UBLCP1: variants seen among roughly 807,000 people sequenced by gnomAD.
UBLCP1 encodes the protein ubiquitin like domain containing CTD phosphatase 1.
UBLCP1 carries 28 observed loss-of-function variants against 42.4 expected under a neutral mutation model. The observed-to-expected ratio is 0.66, with a 90% CI of 0.49 to 0.90. UBLCP1 has a LOEUF of 0.90. Ranked by LOEUF, UBLCP1 falls within the 40% of genes least tolerant of loss-of-function variation. UBLCP1 has a pLI of 0.00. For synonymous variants in UBLCP1, 122 were observed against 120.8 expected, an observed-to-expected ratio of 1.01 and a Z score of -0.07; for missense variants, 279 against 374.5, an observed-to-expected ratio of 0.75 and a Z score of 2.10.
rs949038531 is a variant in UBLCP1, at chr5:159,274,411, C to T, written c.548-174C>T. The T allele has an allele frequency of 9.6e-6, 5 of 520,110 alleles. No homozygotes were observed. In the East Asian group the frequency reaches 1.3e-4, roughly 13 times the overall value. 32.2% of individuals were successfully genotyped at this position (520,110 alleles called of 1,614,324 possible). ...TTTATTCTGTCTTGAAGACACACTG[C>T]AGTAAGTTTACTTTTATCAATATTT... On this transcript the variant is annotated intron_variant, in intron 6 of 10. Coordinates refer to ENST00000296786, the MANE Select transcript of UBLCP1 (RefSeq NM_145049.5).
chr5:159,265,722 A>T (rs1753381907), intron 1 of UBLCP1, among the ~76,000 whole-genome samples: 1 of 152,086 alleles, frequency 6.6e-6, no homozygotes, highest in Non-Finnish European at 1.5e-5. Flanking sequence ...TGTCTTCCTC[A>T]TTCTCTCTTG....
chr5:159,274,752 A>T, intron 7 of UBLCP1, 130 bp downstream of exon 7: 1 of 748,080 alleles, frequency 1.3e-6, no homozygotes. Flanking sequence ...CATTATTGGG[A>T]GTAGAGGTGT....
chr5:159,279,926 A>T (rs1467160696), intron 9 of UBLCP1, among the ~76,000 whole-genome samples: 1 of 150,858 alleles, frequency 6.6e-6, no homozygotes, highest in African/African-American at 2.4e-5. Flanking sequence ...AAAAAAAAAA[A>T]TACAATCATT....
intron 1 of UBLCP1, among the ~76,000 whole-genome samples, chr5:159,265,100 G>A (rs1316572042): frequency 6.6e-6 from 1 of 152,128 alleles, no homozygotes; most frequent in South Asian, 2.1e-4. Flanking sequence ...TACATTTTCA[G>A]TAGAACACAT....
At position 159,285,024 on chromosome 5, in the gene UBLCP1, A is replaced by T; in HGVS notation, c.*93A>T. ...ATCATTATGATAGTGCTGGACACTGAAGCAAATACCATACTGCTTATACTT... is the reference window on the plus strand; with the variant it reads ...ATCATTATGATAGTGCTGGACACTGTAGCAAATACCATACTGCTTATACTT... On this transcript the variant is annotated 3_prime_UTR_variant, in exon 11 of 11. Transcript: ENST00000296786. The T allele has an allele frequency of 8.4e-7, 1 of 1,195,900 alleles. No homozygotes were observed. The allele number at this position is 1,195,900 out of a possible 1,614,324, so 74.1% of individuals were successfully genotyped here.
rs766395095 is a variant in UBLCP1 at position 159,270,592 on chromosome 5, C to G, written c.397C>G (p.Pro133Ala). The G allele has an allele frequency of 1.2e-6, 2 of 1,610,546 alleles. No individual in the cohort carries two copies. The highest frequency in any genetic ancestry group is 1.7e-6 in the Non-Finnish European group (2 of 1,178,996). The change falls in exon 5 of 11, where the codon CCC (proline) becomes GCC (alanine). Residue 133 changes from proline to alanine, a missense_variant. Coordinates refer to ENST00000296786, the MANE Select transcript of UBLCP1 (RefSeq NM_145049.5). ...GTACAAAGTGGAAATTTTGAATCCT[C>G]CCAGGGAAGGGAAAAAGCTTTTGGT... ...KEYKVEILNPPREGKKLLVLD... is the reference protein window; with the variant it reads ...KEYKVEILNPAREGKKLLVLD...
At chr5:159,278,723 C>A (rs983397455) in intron 9 of UBLCP1, among the ~76,000 whole-genome samples, 12 of 152,094 alleles carry the variant, frequency 7.9e-5, no homozygotes, top group African/African-American at 2.4e-4. Flanking sequence ...CAGGCACGCA[C>A]CACCACACCC....
chr5:159,271,009 G>A (rs1337747651), intron 5 of UBLCP1, among the ~76,000 whole-genome samples: 2 of 150,170 alleles, frequency 1.3e-5, no homozygotes, highest in Non-Finnish European at 3.0e-5. Flanking sequence ...TATTTTTTTG[G>A]CCAGAAAGTA....
At chr5:159,284,036 A>C (rs1001142223) in intron 10 of UBLCP1, among the ~76,000 whole-genome samples, 3 of 152,182 alleles carry the variant, frequency 2.0e-5, no homozygotes, top group African/African-American at 7.2e-5. Flanking sequence ...ATACAGCACC[A>C]AAAGAAACTA....
chr5:159,281,851 A>G lies in UBLCP1; in HGVS notation c.802-1361A>G, dbSNP rs1358657248. 2.4e-5 allele frequency among the ~76,000 whole-genome samples: 3 copies of G among 126,478 alleles called. No homozygotes were observed. In the East Asian group the frequency reaches 8.0e-4, roughly 34 times the overall value. The allele number at this position is 126,478 out of a possible 152,430, so 83.0% of individuals were successfully genotyped here. On this transcript the variant is annotated intron_variant, in intron 9 of 10. Transcript: ENST00000296786. ...TCAGTGTTAACTGTGTAAAATTAATAACTAATGACCAAAAAAAAAAAAAAC... is the reference window on the plus strand; with the variant it reads ...TCAGTGTTAACTGTGTAAAATTAATGACTAATGACCAAAAAAAAAAAAAAC...
rs185953085 is a variant in UBLCP1, at chr5:159,276,735, G to A, written c.684+1489G>A. On this transcript the variant is annotated intron_variant, in intron 8 of 10. Transcript: ENST00000296786. ...ATTTTAGAGAACACTGTTGTAAGCC[G>A]TTAGAAAATAGTTCTTAACCTTTGT... Among the ~76,000 whole-genome samples the A allele has an allele frequency of 7.2e-5, 11 of 152,264 alleles. No individual in the cohort carries two copies. In the East Asian group the frequency reaches 1.3e-3, roughly 19 times the overall value.
At chr5:159,277,754 A>C (rs1753555944) in intron 8 of UBLCP1, among the ~76,000 whole-genome samples, 1 of 152,218 alleles carries the variant, frequency 6.6e-6, no homozygotes, top group African/African-American at 2.4e-5. Context: ...ACTGAGTTAA[A>C]GACAAAACGA....
Position 159,275,248 on chromosome 5 carries a change from T to TA in UBLCP1, c.684+4dup. 6.2e-7 allele frequency: 1 copy of TA among 1,607,172 alleles called. No homozygotes were observed. The highest frequency in any genetic ancestry group is 8.5e-7 in the Non-Finnish European group (1 of 1,175,622). On this transcript the variant is annotated splice_region_variant and intron_variant, in intron 8 of 10. Coordinates refer to ENST00000296786, the MANE Select transcript of UBLCP1 (RefSeq NM_145049.5). ...ACTCCAAGGAGAGGATTAATAGACGTAAGAAGTCATTTTATTTCTATTTAA... is the reference window on the plus strand; with the variant it reads ...ACTCCAAGGAGAGGATTAATAGACGTAAAGAAGTCATTTTATTTCTATTTAA...
At chr5:159,277,419 T>A (rs915233488) in intron 8 of UBLCP1, among the ~76,000 whole-genome samples, 1 of 152,148 alleles carries the variant, frequency 6.6e-6, no homozygotes. Context: ...TCTGTTCTCA[T>A]AATACCGTAA....
Position 159,285,196 on chromosome 5 carries a change from CCACACACACACACACACACACA to C in UBLCP1, c.*292_*313del, listed in dbSNP as rs70987962. On this transcript the variant is annotated 3_prime_UTR_variant, in exon 11 of 11. Coordinates refer to ENST00000296786, the MANE Select transcript of UBLCP1 (RefSeq NM_145049.5). ...GGTTACTGACCACCCCACCCTCCCACCACACACACACACACACACACACACACACACACACACACACACACAC... is the reference window on the plus strand; with the variant it reads ...GGTTACTGACCACCCCACCCTCCCACCACACACACACACACACACACACAC... 1.7e-4 allele frequency: 43 copies of C among 251,990 alleles called. No homozygotes were observed. The highest frequency in any genetic ancestry group is 1.1e-3 in the African/African-American group (33 of 30,748). The allele number at this position is 251,990 out of a possible 1,614,324, so 15.6% of individuals were successfully genotyped here.
chr5:159,274,520 A>G (rs1021961435), intron 6 of UBLCP1, 65 bp from the exon 7 acceptor site: 2 of 1,440,066 alleles, frequency 1.4e-6, no homozygotes, highest in Non-Finnish European at 1.9e-6. Context: ...ACTTACTTAT[A>G]CAGATTTTTT....
intron 1 of UBLCP1, among the ~76,000 whole-genome samples, 167 bp from the exon 2 acceptor site, chr5:159,268,703 T>C (rs1753427102): frequency 6.6e-6 from 1 of 152,204 alleles, no homozygotes; most frequent in Non-Finnish European, 1.5e-5. Flanking sequence ...GGAATTTAAC[T>C]TTGAGTCCTA....
At chr5:159,272,987 T>C (rs1753489499) in intron 6 of UBLCP1, among the ~76,000 whole-genome samples, 1 of 152,370 alleles carries the variant, frequency 6.6e-6, no homozygotes, top group East Asian at 1.9e-4. Flanking sequence ...CCTGACTGAA[T>C]TAAATGAAGT....
chr5:159,264,294 C>T (rs1300873490), intron 1 of UBLCP1, among the ~76,000 whole-genome samples: 5 of 152,226 alleles, frequency 3.3e-5, no homozygotes, highest in Non-Finnish European at 7.3e-5. Flanking sequence ...CTCCTCCCCA[C>T]ACCCCAAATC....
Sources: gnomAD v4.1 joint callset for allele counts (sites outside exome capture counted in the v4.1 genomes callset) on GRCh38, gnomAD v4.1.1 for gene constraint, MANE v1.5 for transcripts, NCBI Gene and HGNC (gene_info 2026-07-23, HGNC 2026-07-21) for gene names.